Variants in GUCY2D observed in about 807,000 individuals in gnomAD.
GUCY2D encodes the protein guanylate cyclase 2D, retinal.
In GUCY2D, 70 loss-of-function variants were observed where a neutral mutation model predicts 101.3. The ratio of observed to expected loss-of-function variants is 0.69; its 90% confidence interval spans 0.57 to 0.84. The LOEUF (loss-of-function observed/expected upper bound fraction) is 0.84, where lower values mean the gene tolerates loss of function less well. Among genes scored for constraint, GUCY2D ranks in the 40% least tolerant of loss-of-function variants. The pLI is 0.00. For synonymous variants in GUCY2D, 688 were observed against 670.7 expected (o/e 1.03, Z -0.40); for missense variants, 1,460 against 1,542.5 (o/e 0.95, Z 0.90).
chr17:8,018,698 G>A (rs938928514), intron 19 of GUCY2D, among the ~76,000 whole-genome samples: 6 of 151,822 alleles, frequency 4.0e-5, no homozygotes, highest in South Asian at 2.1e-4. Flanking sequence ...TCCAGATGTC[G>A]CCACTCCCCA....
At chr17:8,019,938 T>C (rs1435870575) in intron 19 of GUCY2D, among the ~76,000 whole-genome samples, 190 bp from the exon 20 acceptor site, 2 of 152,132 alleles carry the variant, frequency 1.3e-5, no homozygotes, top group Non-Finnish European at 2.9e-5. Context: ...CCAGCTGGCC[T>C]GCGCCAGGAG....
At position 8,006,501 on chromosome 17, in the gene GUCY2D, G is replaced by A; in HGVS notation, c.1165G>A (p.Gly389Ser). The change falls in exon 4 of 20, where the codon GGC (glycine) becomes AGC (serine). Residue 389 changes from glycine to serine, a missense_variant. Gly to Ser is a moderately conservative substitution (Grantham distance 56). Transcript: ENST00000254854. ...CCACATCCGGGATGCGCAGGTCCCT[G>A]GCTTCTGCGGGGACCTAGGAGGAGA... Reference protein sequence around the residue: ...ARHIRDAQVPGFCGDLGGDEE... With the variant: ...ARHIRDAQVPSFCGDLGGDEE... 4 of 1,609,112 alleles carry A rather than the reference G, an allele frequency of 2.5e-6. No homozygotes were observed. The highest frequency in any genetic ancestry group is 1.1e-5 in the South Asian group (1 of 91,090).
At position 8,015,500 on chromosome 17, in the gene GUCY2D, C is replaced by A; in HGVS notation, c.2942C>A (p.Ser981Ter). 1 of 1,610,572 alleles carries A rather than the reference C, an allele frequency of 6.2e-7. No homozygotes were observed. Among genetic ancestry groups the A allele is most frequent in the Non-Finnish European group, 8.5e-7 (1 of 1,179,004 alleles). The change falls in exon 15 of 20, where the codon TCG becomes TAG. Residue 981 changes from serine to a stop codon, truncating the protein, a stop_gained and splice_region_variant. Transcript: ENST00000254854. LOFTEE classifies it high-confidence loss of function. ...VPVRIRIGLH[S>*]GPCVAGVVGL... ...GTGCGCATCCGCATAGGCCTGCACT[C>A]GGGTAACTCCCGGGTCTTCCCAGGC...
At position 8,007,092 on chromosome 17, in the gene GUCY2D, C is replaced by T; in HGVS notation, c.1411C>T (p.Leu471Phe). The change falls in exon 5 of 20, where the codon CTC becomes TTC. Residue 471 changes from leucine (L) to phenylalanine (F), a missense_variant. By Grantham distance (22) the Leu-to-Phe change is conservative. Transcript: ENST00000254854. ...GCCGGGCCTCGTCTTTCTTGGCTTC[C>T]TCCTGGTGGTTGGGATGGGGCTGGC... ...LEPGLVFLGFLLVVGMGLAGA... is the reference protein window; with the variant it reads ...LEPGLVFLGFFLVVGMGLAGA... 1.2e-6 allele frequency: 2 copies of T among 1,614,164 alleles called. No individual in the cohort carries two copies. The highest frequency in any genetic ancestry group is 1.7e-6 in the Non-Finnish European group (2 of 1,179,980).
Position 8,014,532 on chromosome 17 carries a change from G to A in GUCY2D, c.2413-69G>A. 2.8e-6 allele frequency: 4 copies of A among 1,434,710 alleles called. No homozygotes were observed. In the Admixed American group the frequency reaches 5.0e-5, roughly 18 times the overall value. The allele number at this position is 1,434,710 out of a possible 1,614,324, so 88.9% of individuals were successfully genotyped here. A position where few individuals can be genotyped will look rare whatever the true frequency, so the allele number is the denominator to read the frequency against. On this transcript the variant is annotated intron_variant, in intron 12 of 19. Transcript: ENST00000254854. This position sits in a 1 kb window ranked among gnomAD's most constrained non-coding sequence, Gnocchi z 4.0. Reference sequence around the variant, plus strand: ...TGAACAGCCCCATGAGAGGGCCCATGAGGGGGGCATAAAGAGGGCATGGCA... The same window carrying A: ...TGAACAGCCCCATGAGAGGGCCCATAAGGGGGGCATAAAGAGGGCATGGCA...
At chr17:8,009,940 T>C (rs887002443) in intron 8 of GUCY2D, among the ~76,000 whole-genome samples, 2 of 151,872 alleles carry the variant, frequency 1.3e-5, no homozygotes, top group Non-Finnish European at 2.9e-5. Context: ...ATCATACTAC[T>C]GCACTCCAGC....
chr17:8,019,961 G>A (rs1976041999), intron 19 of GUCY2D, among the ~76,000 whole-genome samples, 167 bp from the exon 20 acceptor site: 1 of 152,188 alleles, frequency 6.6e-6, no homozygotes. Flanking sequence ...CACACTTGCG[G>A]TTGTCCTTGC....
Position 8,014,505 on chromosome 17 carries a change from A to G in GUCY2D, c.2413-96A>G. 8.6e-7 allele frequency: 1 copy of G among 1,162,232 alleles called. No homozygotes were observed. Among genetic ancestry groups the G allele is most frequent in the South Asian group, 1.2e-5 (1 of 81,498 alleles). 72.0% of individuals were successfully genotyped at this position (1,162,232 alleles called of 1,614,324 possible). A position where few individuals can be genotyped will look rare whatever the true frequency, so the allele number is the denominator to read the frequency against. ...TGGTGGCAGCGGGGTTGGGGTTCAG[A>G]GTGAACAGCCCCATGAGAGGGCCCA... On this transcript the variant is annotated intron_variant, in intron 12 of 19. Transcript: ENST00000254854. The surrounding 1 kb of genome is among the most constrained non-coding windows in gnomAD (Gnocchi z 4.0).
At chr17:8,016,076 C>T in intron 17 of GUCY2D, 55 bp downstream of exon 17, 1 of 1,479,544 alleles carries the variant, frequency 6.8e-7, no homozygotes, top group Non-Finnish European at 9.3e-7. Flanking sequence ...GAGGCACCGC[C>T]CATCCCGGGC....
rs200705417 is a variant in GUCY2D, at chr17:8,016,433, C to T, written c.3225-10C>T. On this transcript the variant is annotated splice_polypyrimidine_tract_variant and intron_variant, in intron 18 of 19. Coordinates refer to ENST00000254854, the MANE Select transcript of GUCY2D (RefSeq NM_000180.4). ...TCCCCTTCCCTGAGGCCACCGCCCC[C>T]TCCTTGCAGGTCCAGCAACCACGGC... 97 of 1,553,874 alleles carry T rather than the reference C, an allele frequency of 6.2e-5. No homozygotes were observed. The African/African-American group carries it at 1.2e-3, about 19-fold the overall frequency.
intron 5 of GUCY2D, 60 bp downstream of exon 5, chr17:8,007,204 C>A: frequency 1.5e-6 from 2 of 1,292,368 alleles, no homozygotes; most frequent in Non-Finnish European, 2.3e-6. Flanking sequence ...AAGTCTGCAG[C>A]AAAAACAGCA....
chr17:8,018,181 T>C (rs747660548), intron 19 of GUCY2D, among the ~76,000 whole-genome samples: 1 of 152,088 alleles, frequency 6.6e-6, no homozygotes, highest in Non-Finnish European at 1.5e-5. Context: ...AGGTAGTGAG[T>C]GTCCAGTCCC....
rs1975955681 is a variant in GUCY2D at position 8,015,728 on chromosome 17, C to T, written c.2945-15C>T. 1.3e-6 allele frequency: 2 copies of T among 1,592,484 alleles called. No individual in the cohort carries two copies. Among genetic ancestry groups the T allele is most frequent in the Non-Finnish European group, 1.7e-6 (2 of 1,167,614 alleles). ...CCGGCCCTGCTAGCCCCGCCGACCC[C>T]CAGCATCTCCACAGGTCCATGCGTG... On this transcript the variant is annotated splice_polypyrimidine_tract_variant and intron_variant, in intron 15 of 19. Coordinates refer to ENST00000254854, the MANE Select transcript of GUCY2D (RefSeq NM_000180.4).
At position 8,007,914 on chromosome 17, in the gene GUCY2D, T is replaced by C. The variant is rs752521534; in HGVS notation, c.1567-17T>C. 1.3e-6 allele frequency: 2 copies of C among 1,532,238 alleles called. No individual in the cohort carries two copies. The highest frequency in any genetic ancestry group is 2.2e-5 in the East Asian group (1 of 44,530). The allele number at this position is 1,532,238 out of a possible 1,614,324, so 94.9% of individuals were successfully genotyped here. On this transcript the variant is annotated splice_polypyrimidine_tract_variant and intron_variant, in intron 6 of 19. Transcript: ENST00000254854. The stretch of plus-strand genomic sequence containing the variant: ...CAGAATATATTTTGACCTCTTGCAT[T>C]GACCTCTACCTGCTAGGTGGCCCAG...
chr17:8,013,110 G>A lies in GUCY2D; in HGVS notation c.2121G>A (p.Leu707=). ...LPEPPRAEDQ[L]WTAPELLRDP... The stretch of plus-strand genomic sequence containing the variant: ...CCCCTTCCCCATCCCCAGACCAGCT[G>A]TGGACAGCCCCGGAGCTGCTTAGGG... The change falls in exon 11 of 20, where the codon CTG becomes CTA. Residue 707 remains leucine (L), a synonymous_variant. Coordinates refer to ENST00000254854, the MANE Select transcript of GUCY2D (RefSeq NM_000180.4). This position sits in a 1 kb window ranked among gnomAD's most constrained non-coding sequence, Gnocchi z 5.0. The A allele has an allele frequency of 6.2e-7, 1 of 1,612,676 alleles. No individual in the cohort carries two copies. Among genetic ancestry groups the A allele is most frequent in the Non-Finnish European group, 8.5e-7 (1 of 1,179,874 alleles).
chr17:8,013,672 C>A lies in GUCY2D; in HGVS notation c.2264-208C>A, dbSNP rs1975901688. 3 of 604,912 alleles carry A rather than the reference C, an allele frequency of 5.0e-6. No individual in the cohort carries two copies. In the African/African-American group the frequency reaches 5.6e-5, roughly 11 times the overall value. 37.5% of individuals were successfully genotyped at this position (604,912 alleles called of 1,614,324 possible). On this transcript the variant is annotated intron_variant, in intron 11 of 19. Transcript: ENST00000254854. This position sits in a 1 kb window ranked among gnomAD's most constrained non-coding sequence, Gnocchi z 5.0. ...CTTTGCCTATGTCACCTCTTACTGA[C>A]CCCCAGAGTTCGAGGTCCTCTTGTT...
intron 7 of GUCY2D, 50 bp from the exon 8 acceptor site, chr17:8,009,456 C>A: frequency 1.7e-6 from 2 of 1,156,756 alleles, no homozygotes; most frequent in Non-Finnish European, 2.6e-6. Flanking sequence ...GGCTCCCCAT[C>A]GTGGGATTTT....
rs1975841656 is a variant in GUCY2D at position 8,011,005 on chromosome 17, T to G, written c.1750-1139T>G. 2.6e-5 allele frequency among the ~76,000 whole-genome samples: 4 copies of G among 152,048 alleles called. No individual in the cohort carries two copies. Among genetic ancestry groups the G allele is most frequent in the Non-Finnish European group, 5.9e-5 (4 of 67,998 alleles). On this transcript the variant is annotated intron_variant, in intron 8 of 19. Coordinates refer to ENST00000254854, the MANE Select transcript of GUCY2D (RefSeq NM_000180.4). This position sits in a 1 kb window ranked among gnomAD's most constrained non-coding sequence, Gnocchi z 4.3. The stretch of plus-strand genomic sequence containing the variant: ...GGAGGGTGGGAGTCTCAGACCCGAC[T>G]GACACAATGACGTAACGCCAAGCAG...
rs765439946 is a variant in GUCY2D, at chr17:8,003,757, C to A, written c.710C>A (p.Pro237His). The A allele has an allele frequency of 6.3e-7, 1 of 1,599,300 alleles. No individual in the cohort carries two copies. The highest frequency in any genetic ancestry group is 2.2e-5 in the East Asian group (1 of 44,850). ...GCCCTGAGGAAGGTTCGGGACGGGC[C>A]CAGGGTCACAGGTAGGCTCCCTTGC... ...REALRKVRDG[P>H]RVTAVIMVMH... The change falls in exon 2 of 20, where the codon CCC (proline) becomes CAC (histidine). Residue 237 changes from proline to histidine, a missense_variant. By Grantham distance (77) the Pro-to-His change is moderately conservative (BLOSUM62 -2). Coordinates refer to ENST00000254854, the MANE Select transcript of GUCY2D (RefSeq NM_000180.4).
Sources: allele counts gnomAD v4.1 joint callset (sites outside exome capture counted in the v4.1 genomes callset), GRCh38; gene constraint gnomAD v4.1.1; non-coding constraint Gnocchi (gnomAD v3.1); transcripts MANE v1.5; gene names NCBI Gene and HGNC (gene_info 2026-07-23, HGNC 2026-07-21).